CHD7: variants seen among roughly 807,000 people sequenced by gnomAD.
CHD7 encodes ATP-dependent chromatin remodeler CHD7.
Under a neutral mutation model 307.3 loss-of-function variants are expected in CHD7, and 24 were observed. The ratio of observed to expected loss-of-function variants is 0.08; its 90% CI spans 0.06 to 0.11. CHD7 has a LOEUF of 0.11. CHD7 is among the 10% of genes least tolerant of loss of function. The pLI is 1.00. For missense variants in CHD7, 3,106 were observed against 3,727.1 expected (o/e 0.83, Z 4.34); for synonymous variants, 1,363 against 1,349.9 (o/e 1.01, Z -0.21).
intron 4 of CHD7, among the ~76,000 whole-genome samples, chr8:60,799,471 G>C (rs1812192038): frequency 6.6e-6 from 1 of 152,134 alleles, no homozygotes; most frequent in African/African-American, 2.4e-5. Flanking sequence ...TAAAATTACT[G>C]TCCATAGTCA....
intron 4 of CHD7, among the ~76,000 whole-genome samples, chr8:60,798,643 T>C (rs926903995): frequency 2.3e-4 from 35 of 152,184 alleles, no homozygotes; most frequent in Non-Finnish European, 3.7e-4. Context: ...CCTTACTTTC[T>C]CAACTTTAAC....
chr8:60,739,857 A>C (rs1808904137), intron 1 of CHD7, among the ~76,000 whole-genome samples: 1 of 152,170 alleles, frequency 6.6e-6, no homozygotes, highest in Non-Finnish European at 1.5e-5. Flanking sequence ...AGTAGAATTT[A>C]TGACTGAGCC....
In CHD7 at chr8:60,716,182, T is replaced by C. The variant is rs116555630; in HGVS notation, c.-174-25077T>C. Among the ~76,000 whole-genome samples the C allele has an allele frequency of 2.4e-3, 363 of 152,338 alleles. 4 individuals are homozygous for C. Among genetic ancestry groups the C allele is most frequent in the African/African-American group, 8.3e-3 (347 of 41,580 alleles). On this transcript the variant is annotated intron_variant, in intron 1 of 37. Coordinates refer to ENST00000423902, the MANE Select transcript of CHD7 (RefSeq NM_017780.4). ...CCACCCGGGTCCAAGTGGCCTTTTT[T>C]CCTTGCCGGTGTTACTGCAGTAGCT...
At position 60,763,000 on chromosome 8, in the gene CHD7, G is replaced by A. The variant is rs931204576; in HGVS notation, c.1666-18000G>A. On this transcript the variant is annotated intron_variant, in intron 2 of 37. Coordinates refer to ENST00000423902, the MANE Select transcript of CHD7 (RefSeq NM_017780.4). ...AGGCCCCGAGGGTTGGTGGGGGGGC[G>A]GCAGGGGGAGGTGGGAGAAGATGGG... is the stretch of plus-strand genomic sequence containing the variant. 4.6e-5 allele frequency among the ~76,000 whole-genome samples: 7 copies of A among 152,144 alleles called. No homozygotes were observed. In the East Asian group the frequency reaches 5.8e-4, roughly 13 times the overall value.
At chr8:60,740,690 T>TGCAAC (rs1293353283) in intron 1 of CHD7, among the ~76,000 whole-genome samples, 5 of 152,240 alleles carry the variant, frequency 3.3e-5, no homozygotes, top group Non-Finnish European at 7.3e-5. Flanking sequence ...AGTTACATAG[T>TGCAAC]TGTATGTGGG....
chr8:60,776,275 G>T (rs762254307), intron 2 of CHD7, among the ~76,000 whole-genome samples: 1 of 152,162 alleles, frequency 6.6e-6, no homozygotes, highest in Non-Finnish European at 1.5e-5. Context: ...CATTAATACT[G>T]ATTTTAATCA....
chr8:60,714,962 C>T (rs1234960285), intron 1 of CHD7, among the ~76,000 whole-genome samples: 1 of 152,190 alleles, frequency 6.6e-6, no homozygotes, highest in Non-Finnish European at 1.5e-5. Flanking sequence ...TGGGGAGGGG[C>T]AGGAGGGAAT....
chr8:60,841,747 A>G lies in CHD7; in HGVS notation c.4637A>G (p.Asn1546Ser). Residue 1546 changes from asparagine (N) to serine (S), a missense_variant, in exon 20 of 38, where the codon AAT becomes AGT. Asn to Ser is a conservative substitution (Grantham distance 46). Coordinates refer to ENST00000423902, the MANE Select transcript of CHD7 (RefSeq NM_017780.4). ...GCTGAATTGGATATTGATGCCTTAA[A>G]TGGGAGGGTGAGTAAGAAGTCCCAT... Reference protein sequence around the residue: ...KKAELDIDALNGRNNLVIDTP... With the variant: ...KKAELDIDALSGRNNLVIDTP... 3 of 1,606,024 alleles carry G rather than the reference A, an allele frequency of 1.9e-6. No individual in the cohort carries two copies. Among genetic ancestry groups the G allele is most frequent in the Non-Finnish European group, 2.6e-6 (3 of 1,172,966 alleles).
At position 60,741,774 on chromosome 8, in the gene CHD7, C is replaced by A. The variant is rs1475695947; in HGVS notation, c.342C>A (p.Pro114=). The change falls in exon 2 of 38, where the codon CCC becomes CCA. Residue 114 remains proline (P), a synonymous_variant. Coordinates refer to ENST00000423902, the MANE Select transcript of CHD7 (RefSeq NM_017780.4). ...QYHTPPVPQV[P]HGGSGGGQMG... ...ACACCCCTCCCGTTCCTCAGGTGCCCCATGGTGGCAGTGGTGGCGGTCAGA... is the reference window on the plus strand; with the variant it reads ...ACACCCCTCCCGTTCCTCAGGTGCCACATGGTGGCAGTGGTGGCGGTCAGA... 4 of 1,613,900 alleles carry A rather than the reference C, an allele frequency of 2.5e-6. No homozygotes were observed. Among genetic ancestry groups the A allele is most frequent in the Middle Eastern group, 1.6e-4 (1 of 6,062 alleles).
At position 60,766,749 on chromosome 8, in the gene CHD7, G is replaced by T. The variant is rs114196995; in HGVS notation, c.1666-14251G>T. Among the ~76,000 whole-genome samples, 1,494 of 152,316 alleles carry T rather than the reference G, an allele frequency of 9.8e-3. 22 individuals are homozygous for T. Among genetic ancestry groups the T allele is most frequent in the African/African-American group, 0.034 (1,414 of 41,566 alleles). On this transcript the variant is annotated intron_variant, in intron 2 of 37. Coordinates refer to ENST00000423902, the MANE Select transcript of CHD7 (RefSeq NM_017780.4). ...CAGTAACAGTTTGTGGAGAAATCAA[G>T]AACCTGTTTTGGAATGCCTTAAATT...
chr8:60,798,764 T>C (rs1812152944), intron 4 of CHD7, among the ~76,000 whole-genome samples: 1 of 152,232 alleles, frequency 6.6e-6, no homozygotes, highest in African/African-American at 2.4e-5. Context: ...ACTCATTCCA[T>C]AGGTTGTAAT....
At position 60,845,231 on chromosome 8, in the gene CHD7, A is replaced by G. The variant is rs1027774859; in HGVS notation, c.5051-19A>G. ...TGGAATGTAAAAGGCTTCTATTATT[A>G]TTATGATGGTGATTCTAGGTTTGTC... On this transcript the variant is annotated intron_variant, in intron 22 of 37. Transcript: ENST00000423902. 6.3e-7 allele frequency: 1 copy of G among 1,599,742 alleles called. No homozygotes were observed. The highest frequency in any genetic ancestry group is 1.3e-5 in the African/African-American group (1 of 74,414).
intron 1 of CHD7, among the ~76,000 whole-genome samples, chr8:60,728,965 C>T (rs1200119685): frequency 1.3e-5 from 2 of 152,160 alleles, no homozygotes; most frequent in Non-Finnish European, 2.9e-5. Flanking sequence ...CCTCTCCCTC[C>T]TCCCACCCTC....
intron 1 of CHD7, among the ~76,000 whole-genome samples, chr8:60,694,918 T>C (rs1463421521): frequency 6.6e-6 from 1 of 152,204 alleles, no homozygotes; most frequent in Non-Finnish European, 1.5e-5. Flanking sequence ...AAGGTTAGTT[T>C]GGCAGCATGT....
rs1805434580 is a variant in CHD7 at position 60,851,111 on chromosome 8, A to G, written c.5607+7A>G. 1 of 1,557,878 alleles carries G rather than the reference A, an allele frequency of 6.4e-7. No homozygotes were observed. Among genetic ancestry groups the G allele is most frequent in the Admixed American group, 1.9e-5 (1 of 51,980 alleles). Reference sequence around the variant, plus strand: ...GTTCAAAGATGAAATAGATGTATGAACTTGAGTATATTGGCTTTTATAGCT... The same window carrying G: ...GTTCAAAGATGAAATAGATGTATGAGCTTGAGTATATTGGCTTTTATAGCT... On this transcript the variant is annotated splice_region_variant and intron_variant, in intron 27 of 37. Coordinates refer to ENST00000423902, the MANE Select transcript of CHD7 (RefSeq NM_017780.4).
chr8:60,781,040 A>C lies in CHD7; in HGVS notation c.1706A>C (p.Asp569Ala). ...CCCTTTCTAGAGAAACCAGTGCCGG[A>C]TATGACTCAGGTTAGTGGACCGAAT... ...SEPFLEKPVP[D>A]MTQVSGPNAQ... is the part of the protein sequence containing the mutation. The change falls in exon 3 of 38, where the codon GAT becomes GCT. Residue 569 changes from aspartate to alanine, a missense_variant. Physicochemically the swap from Asp to Ala is moderately radical, Grantham distance 126. Coordinates refer to ENST00000423902, the MANE Select transcript of CHD7 (RefSeq NM_017780.4). 6.3e-7 allele frequency: 1 copy of C among 1,598,174 alleles called. No individual in the cohort carries two copies. Among genetic ancestry groups the C allele is most frequent in the Non-Finnish European group, 8.5e-7 (1 of 1,174,080 alleles).
intron 2 of CHD7, among the ~76,000 whole-genome samples, chr8:60,763,764 C>A (rs1810336773): frequency 6.6e-6 from 1 of 152,078 alleles, no homozygotes; most frequent in Non-Finnish European, 1.5e-5. Context: ...ATCCCTTCCC[C>A]TCCTGAGCTG....
rs1805403770 is a variant in CHD7 at position 60,678,791 on chromosome 8, A to AGCGGCGGCGGCGGCAGCG, written c.-452_-451insAGCGGCGGCGGCGGCGGC. The AGCGGCGGCGGCGGCAGCG allele has an allele frequency of 2.0e-5, 1 of 50,210 alleles. No homozygotes were observed. Among genetic ancestry groups the AGCGGCGGCGGCGGCAGCG allele is most frequent in the African/African-American group, 7.3e-5 (1 of 13,618 alleles). The allele number at this position is 50,210 out of a possible 1,614,324, so 3.1% of individuals were successfully genotyped here. A position where few individuals can be genotyped will look rare whatever the true frequency, so the allele number is the denominator to read the frequency against. On this transcript the variant is annotated 5_prime_UTR_variant, in exon 1 of 38. Coordinates refer to ENST00000423902, the MANE Select transcript of CHD7 (RefSeq NM_017780.4). The stretch of plus-strand genomic sequence containing the variant: ...CGGCGGCGGCGGCGGCGGCGGCGGC[A>AGCGGCGGCGGCGGCAGCG]GCGGCGGCGGCGGCGGCGGCGCGGG...
chr8:60,845,094 G>A, intron 22 of CHD7, 31 bp downstream of exon 22: 2 of 1,608,160 alleles, frequency 1.2e-6, no homozygotes, highest in Non-Finnish European at 1.7e-6. Flanking sequence ...TTGTGCTACA[G>A]GGTCACAAAG....
Sources: gnomAD v4.1 joint callset for allele counts (sites outside exome capture counted in the v4.1 genomes callset) on GRCh38, gnomAD v4.1.1 for gene constraint, MANE v1.5 for transcripts, NCBI Gene and HGNC (gene_info 2026-07-23, HGNC 2026-07-21) for gene names.